The following NALCN variants were observed in gnomAD, a reference collection of about 807,000 sequenced individuals.
NALCN encodes the protein sodium leak channel, non-selective, also known as sodium leak channel NALCN.
NALCN carries 111 observed loss-of-function variants against 225.3 expected under a neutral mutation model. The ratio of observed to expected loss-of-function variants is 0.49; its 90% CI spans 0.42 to 0.58. The LOEUF is 0.58. Among genes scored for constraint, NALCN ranks in the 20% least tolerant of loss-of-function variants. NALCN has a pLI of 0.00. For synonymous variants in NALCN, 764 were observed against 769.0 expected (o/e 0.99, Z 0.11); for missense variants, 1,378 against 2,202.4 (o/e 0.63, Z 7.49).
rs1396574380 is a variant in NALCN at position 101,104,579 on chromosome 13, A to G, written c.2708T>C (p.Met903Thr). The change falls in exon 24 of 44, where the codon ATG becomes ACG. Residue 903 changes from methionine to threonine, a missense_variant. Physicochemically the swap from Met to Thr is moderately conservative, Grantham distance 81. Coordinates refer to ENST00000251127, the MANE Select transcript of NALCN (RefSeq NM_052867.4). The surrounding 1 kb of genome is among the most constrained non-coding windows in gnomAD (Gnocchi z 4.2). The stretch of plus-strand genomic sequence containing the variant: ...TCTTCGAAACGGGGACTCAAACATC[A>G]TGGAAATGCAAGAGCAGATGGTTAC... The part of the protein sequence containing the change: ...IIVTICSCIS[M>T]MFESPFRRVM... 4 of 1,614,060 alleles carry G rather than the reference A, an allele frequency of 2.5e-6. No individual in the cohort carries two copies. Among genetic ancestry groups the G allele is most frequent in the Non-Finnish European group, 3.4e-6 (4 of 1,179,938 alleles).
chr13:101,342,502 A>T (rs893547698), intron 7 of NALCN, among the ~76,000 whole-genome samples: 2 of 152,096 alleles, frequency 1.3e-5, no homozygotes, highest in Non-Finnish European at 1.5e-5. Flanking sequence ...AAGCCTCCAC[A>T]ATCAGCCTTT....
rs574257336 is a variant in NALCN at position 101,167,867 on chromosome 13, C to T, written c.1839+8433G>A. ...AAAACAAAAACAAAAACTGTTAAGT[C>T]GAATCATCGTAAGTCAGAATTCATC... is the stretch of plus-strand genomic sequence containing the variant. On this transcript the variant is annotated intron_variant, in intron 15 of 43. Transcript: ENST00000251127. Among the ~76,000 whole-genome samples, 537 of 151,098 alleles carry T rather than the reference C, an allele frequency of 3.6e-3. 4 individuals carry two copies. Among genetic ancestry groups the T allele is most frequent in the African/African-American group, 0.013 (518 of 41,376 alleles).
intron 15 of NALCN, among the ~76,000 whole-genome samples, chr13:101,163,192 C>T (rs924306344): frequency 6.6e-6 from 1 of 151,326 alleles, no homozygotes; most frequent in African/African-American, 2.4e-5. Context: ...TGTGAGTCAC[C>T]ATGCCTGGCC....
chr13:101,344,145 C>T (rs2045643744), intron 7 of NALCN, among the ~76,000 whole-genome samples: 1 of 152,098 alleles, frequency 6.6e-6, no homozygotes, highest in Non-Finnish European at 1.5e-5. Flanking sequence ...CTTCCTCATG[C>T]CTAAAAGTTA....
At chr13:101,178,772 T>A (rs2039067491) in intron 14 of NALCN, among the ~76,000 whole-genome samples, 1 of 152,216 alleles carries the variant, frequency 6.6e-6, no homozygotes, top group South Asian at 2.1e-4. Context: ...GCCTTCTTAC[T>A]TGAGGACTAG....
chr13:101,071,642 T>TA (rs1367072705), intron 37 of NALCN, among the ~76,000 whole-genome samples: 5 of 152,346 alleles, frequency 3.3e-5, no homozygotes, highest in African/African-American at 1.2e-4. Flanking sequence ...AGTCTGATCT[T>TA]CTACTGAGAC....
intron 7 of NALCN, among the ~76,000 whole-genome samples, chr13:101,332,397 C>CAAAAAAAAAAAAAAAAAA (rs753158247): frequency 3.5e-4 from 20 of 57,850 alleles, no homozygotes; most frequent in Non-Finnish European, 4.3e-4. Flanking sequence ...TTCACAAAGC[C>CAAAAAAAAAAAAAAAAAA]AAAAAAAAAA....
chr13:101,076,192 T>G (rs1248047076), intron 34 of NALCN, among the ~76,000 whole-genome samples: 2 of 152,246 alleles, frequency 1.3e-5, no homozygotes, highest in African/African-American at 4.8e-5. Context: ...ATTTTGAAAT[T>G]TATTTTACAT....
chr13:101,186,577 A>G (rs1404040429), intron 14 of NALCN, among the ~76,000 whole-genome samples: 2 of 152,198 alleles, frequency 1.3e-5, no homozygotes, highest in Non-Finnish European at 2.9e-5. Flanking sequence ...TGGGTAGTAT[A>G]GAAGTGATAA....
At chr13:101,365,898 C>T (rs1398554372) in intron 6 of NALCN, among the ~76,000 whole-genome samples, 1 of 152,132 alleles carries the variant, frequency 6.6e-6, no homozygotes, top group Non-Finnish European at 1.5e-5. Flanking sequence ...GTTACACTTA[C>T]TTACCTTAAA....
intron 15 of NALCN, among the ~76,000 whole-genome samples, chr13:101,172,859 G>A (rs1020358665): frequency 3.9e-5 from 6 of 152,012 alleles, no homozygotes; most frequent in South Asian, 2.1e-4. Flanking sequence ...GAGCCACCGC[G>A]CCTGGCCAAC....
chr13:101,326,119 G>A (rs930767555), intron 7 of NALCN, among the ~76,000 whole-genome samples: 1 of 152,120 alleles, frequency 6.6e-6, no homozygotes, highest in African/African-American at 2.4e-5. Flanking sequence ...TTTTAAGCTA[G>A]ACAAAAATTT....
chr13:101,096,072 G>A (rs550770797), intron 27 of NALCN, among the ~76,000 whole-genome samples: 3 of 152,158 alleles, frequency 2.0e-5, no homozygotes, highest in South Asian at 2.1e-4. Context: ...AAGCATTGGC[G>A]AGGATGTGGA....
intron 30 of NALCN, among the ~76,000 whole-genome samples, chr13:101,084,802 T>C (rs2139524353): frequency 6.6e-6 from 1 of 152,342 alleles, no homozygotes; most frequent in South Asian, 2.1e-4. Flanking sequence ...TATGAGGGTT[T>C]CTCCATTGTT....
intron 15 of NALCN, among the ~76,000 whole-genome samples, chr13:101,164,084 T>G (rs1409538945): frequency 6.6e-6 from 1 of 152,064 alleles, no homozygotes; most frequent in Admixed American, 6.5e-5. Context: ...CTTAACCTGA[T>G]TGCATCTACA....
chr13:101,332,872 A>G (rs1035992094), intron 7 of NALCN, among the ~76,000 whole-genome samples: 1 of 152,232 alleles, frequency 6.6e-6, no homozygotes, highest in African/African-American at 2.4e-5. Context: ...CAATGTCTGT[A>G]CACACGCACA....
intron 12 of NALCN, among the ~76,000 whole-genome samples, chr13:101,230,699 TG>T (rs989536890): frequency 6.6e-6 from 1 of 152,142 alleles, no homozygotes; most frequent in African/African-American, 2.4e-5. Context: ...TGGGTGACCA[TG>T]GGGGGCACAG....
intron 15 of NALCN, among the ~76,000 whole-genome samples, chr13:101,160,884 T>G (rs2038151068): frequency 1.3e-5 from 2 of 152,198 alleles, no homozygotes; most frequent in Non-Finnish European, 2.9e-5. Flanking sequence ...TGATCAAGTT[T>G]TGAACCTGAG....
At chr13:101,269,211 C>T (rs1162515121) in intron 10 of NALCN, among the ~76,000 whole-genome samples, 1 of 145,522 alleles carries the variant, frequency 6.9e-6, no homozygotes, top group Non-Finnish European at 1.5e-5. Flanking sequence ...AGAAAAAGCT[C>T]ATATATATAT....
Sources: allele counts gnomAD v4.1 joint callset (sites outside exome capture counted in the v4.1 genomes callset), GRCh38; gene constraint gnomAD v4.1.1; non-coding constraint Gnocchi (gnomAD v3.1); transcripts MANE v1.5; gene names NCBI Gene and HGNC (gene_info 2026-07-23, HGNC 2026-07-21).